Variants in ARHGEF3 observed in about 807,000 individuals in gnomAD.
The protein encoded by ARHGEF3 is Rho guanine nucleotide exchange factor 3, also known as 59.8 kDA protein.
Under a neutral mutation model 63.2 loss-of-function variants are expected in ARHGEF3, and 28 were observed. The ratio of observed to expected loss-of-function variants is 0.44; its 90% confidence interval spans 0.33 to 0.61. ARHGEF3 has a LOEUF of 0.61. Among genes scored for constraint, ARHGEF3 ranks in the 20% least tolerant of loss-of-function variants. The probability of loss-of-function intolerance (pLI) is 0.03; values close to 1 mark genes in which losing one functional copy is unlikely to be tolerated. For missense variants in ARHGEF3, 533 were observed against 659.3 expected, an observed-to-expected ratio of 0.81 and a Z score of 2.10; for synonymous variants, 266 against 254.2, an observed-to-expected ratio of 1.05 and a Z score of -0.44.
At chr3:56,805,409 A>ATT (rs1202869253), upstream of ARHGEF3, among the ~76,000 whole-genome samples, 1 of 151,898 alleles carries the variant, frequency 6.6e-6, no homozygotes, top group Non-Finnish European at 1.5e-5. Flanking sequence ...TAATTTTTAT[A>ATT]TTTTTTGTAG....
chr3:56,933,560 C>A (rs993227291), intron 3 of ARHGEF3, among the ~76,000 whole-genome samples: 18 of 152,150 alleles, frequency 1.2e-4, no homozygotes, highest in Admixed American at 1.1e-3. Flanking sequence ...GCTGGGACCA[C>A]AGGCGCGTGC....
chr3:56,736,579 C>G (rs2033639350), intron 8 of ARHGEF3, among the ~76,000 whole-genome samples: 1 of 152,178 alleles, frequency 6.6e-6, no homozygotes, highest in Non-Finnish European at 1.5e-5. Flanking sequence ...TAAGATCATC[C>G]TTTATTTTCT....
chr3:56,739,831 AGTTTG>A (rs2033895343), intron 7 of ARHGEF3, among the ~76,000 whole-genome samples: 1 of 152,162 alleles, frequency 6.6e-6, no homozygotes, highest in Non-Finnish European at 1.5e-5. Context: ...TTTGAGCTGA[AGTTTG>A]GTGAATGTAT....
chr3:57,014,155 A>C (rs1412040873), intron 2 of ARHGEF3, among the ~76,000 whole-genome samples: 1 of 152,212 alleles, frequency 6.6e-6, no homozygotes, highest in Non-Finnish European at 1.5e-5. Flanking sequence ...GAAGGTTTGC[A>C]GCTTCACTCT....
chr3:56,833,555 T>C (rs1424488380), intron 4 of ARHGEF3, among the ~76,000 whole-genome samples: 1 of 152,078 alleles, frequency 6.6e-6, no homozygotes, highest in East Asian at 1.9e-4. Context: ...AGCTGAACTG[T>C]ATCCAGCCTT....
intron 4 of ARHGEF3, among the ~76,000 whole-genome samples, chr3:56,827,406 T>A (rs988014354): frequency 5.9e-5 from 9 of 152,148 alleles, no homozygotes; most frequent in African/African-American, 1.9e-4. Flanking sequence ...AACTGAGTGG[T>A]CCAGGTTTAA....
intron 4 of ARHGEF3, among the ~76,000 whole-genome samples, chr3:56,876,496 G>C (rs2040589316): frequency 6.6e-6 from 1 of 152,090 alleles, no homozygotes; most frequent in Admixed American, 6.6e-5. Context: ...GAGAGGGAAG[G>C]GGTGAGATTC....
chr3:56,827,752 C>CAAAAAAAAAAAA (rs35949919), intron 4 of ARHGEF3, among the ~76,000 whole-genome samples: 2 of 68,420 alleles, frequency 2.9e-5, no homozygotes, highest in African/African-American at 1.3e-4. Context: ...CCTGTCTCTA[C>CAAAAAAAAAAAA]AAAAAAAAAA....
chr3:57,074,523 C>A (rs12636899), intron 1 of ARHGEF3: 55,122 of 495,298 alleles, frequency 0.11, 5,608 homozygotes, highest in East Asian at 0.48. Flanking sequence ...TACTCTTAGC[C>A]CCCGGGGAAC....
chr3:56,832,375 T>C (rs7623256), intron 4 of ARHGEF3, among the ~76,000 whole-genome samples: 142,858 of 152,294 alleles, frequency 0.94, 67,421 homozygotes, highest in Non-Finnish European at 1. Flanking sequence ...AGTGTGAGGA[T>C]TGTAACCAGG....
rs565079291 is a variant in ARHGEF3, at chr3:56,978,015, C to T, written c.63-19126G>A. On this transcript the variant is annotated intron_variant, in intron 2 of 12. Transcript: ENST00000338458. ...GACAAAAAGCAATCCTGTCAACAGA[C>T]CAGACAAGGCCAACAGATCCATATA... is the stretch of plus-strand genomic sequence containing the variant. 4.0e-4 allele frequency among the ~76,000 whole-genome samples: 61 copies of T among 152,238 alleles called. No individual in the cohort carries two copies. The South Asian group carries it at 6.4e-3, about 16-fold the overall frequency.
chr3:56,746,737 AAAAT>A (rs2034413300), intron 6 of ARHGEF3, among the ~76,000 whole-genome samples: 2 of 152,270 alleles, frequency 1.3e-5, no homozygotes, highest in African/African-American at 4.8e-5. Flanking sequence ...CTCAAAAAAA[AAAAT>A]AAATAAATAC....
intron 1 of ARHGEF3, among the ~76,000 whole-genome samples, chr3:57,066,147 A>C (rs1395706584): frequency 2.0e-5 from 3 of 152,116 alleles, no homozygotes. Flanking sequence ...CTGTAATTGC[A>C]AGAGAACAAG....
At chr3:56,760,387 A>G (rs1168233373) in intron 2 of ARHGEF3, among the ~76,000 whole-genome samples, 2 of 151,852 alleles carry the variant, frequency 1.3e-5, no homozygotes, top group Non-Finnish European at 2.9e-5. Context: ...AAAATTTCCC[A>G]GAGAGTTGGA....
chr3:56,897,430 A>G (rs148795813), intron 3 of ARHGEF3, among the ~76,000 whole-genome samples: 132 of 152,278 alleles, frequency 8.7e-4, no homozygotes, highest in African/African-American at 3.0e-3. Context: ...AGATCTGGGC[A>G]CTAGTTATGT....
intron 2 of ARHGEF3, among the ~76,000 whole-genome samples, chr3:56,773,295 C>A (rs2036102794): frequency 6.6e-6 from 1 of 152,140 alleles, no homozygotes; most frequent in South Asian, 2.1e-4. Context: ...AGCTTGTGAG[C>A]CATAAAAAAA....
At chr3:56,949,598 G>A (rs1258386270) in intron 3 of ARHGEF3, among the ~76,000 whole-genome samples, 1 of 151,970 alleles carries the variant, frequency 6.6e-6, no homozygotes, top group African/African-American at 2.4e-5. Flanking sequence ...TCTTCAAGGA[G>A]AACCACAAAC....
At chr3:57,002,623 T>A (rs1702299295) in intron 2 of ARHGEF3, among the ~76,000 whole-genome samples, 1 of 146,526 alleles carries the variant, frequency 6.8e-6, no homozygotes, top group South Asian at 2.1e-4. Context: ...CAGGGGTACA[T>A]GTGGGGGGTT....
At chr3:57,068,234 C>A (rs1705680019) in intron 1 of ARHGEF3, among the ~76,000 whole-genome samples, 1 of 152,110 alleles carries the variant, frequency 6.6e-6, no homozygotes, top group African/African-American at 2.4e-5. Context: ...AGGTCACAGT[C>A]AAAAACATGG....
Sources: allele counts gnomAD v4.1 joint callset (sites outside exome capture counted in the v4.1 genomes callset), GRCh38; gene constraint gnomAD v4.1.1; transcripts MANE v1.5; gene names NCBI Gene and HGNC (gene_info 2026-07-23, HGNC 2026-07-21).